Variants in LHCGR observed in about 807,000 individuals in gnomAD.
LHCGR encodes luteinizing hormone/choriogonadotropin receptor.
LHCGR carries 55 observed loss-of-function variants against 60.7 expected under a neutral mutation model. That is an observed-to-expected ratio of 0.91 (90% CI 0.73 to 1.13). The LOEUF is 1.13. LHCGR is among the 50% of genes most tolerant of loss of function. The pLI, the probability that LHCGR is intolerant of heterozygous loss-of-function variation, is 0.00. For synonymous variants in LHCGR, 337 were observed against 316.5 expected (o/e 1.06, Z -0.69); for missense variants, 862 against 836.0 (o/e 1.03, Z -0.38).
chr2:48,746,953 T>C (rs1473803474), intron 1 of LHCGR, among the ~76,000 whole-genome samples: 3 of 152,192 alleles, frequency 2.0e-5, no homozygotes, highest in East Asian at 3.8e-4. Flanking sequence ...GCAGTGACAT[T>C]GCAGATATGC....
chr2:48,751,905 T>C (rs1669973647), intron 1 of LHCGR, among the ~76,000 whole-genome samples: 1 of 152,258 alleles, frequency 6.6e-6, no homozygotes, highest in Non-Finnish European at 1.5e-5. Context: ...ATTAGCATTT[T>C]CTTACTAACA....
At chr2:48,698,447 A>G (rs1667231757) in intron 9 of LHCGR, among the ~76,000 whole-genome samples, 168 bp downstream of exon 9, 1 of 152,224 alleles carries the variant, frequency 6.6e-6, no homozygotes, top group Non-Finnish European at 1.5e-5. Context: ...CCACAAGGAA[A>G]CAGAACAGTT....
chr2:48,737,588 C>A (rs72876957), intron 1 of LHCGR, among the ~76,000 whole-genome samples: 1 of 152,166 alleles, frequency 6.6e-6, no homozygotes, highest in East Asian at 1.9e-4. Flanking sequence ...TCAAAGGCAT[C>A]GGACTATTTG....
Position 48,713,071 on chromosome 2 carries a change from G to A in LHCGR, c.605+915C>T, listed in dbSNP as rs1471410336. 2.0e-5 allele frequency among the ~76,000 whole-genome samples: 3 copies of A among 152,096 alleles called. No homozygotes were observed. In the East Asian group the frequency reaches 5.8e-4, roughly 29 times the overall value. ...GCATCTCCTGAAGCTTGTTAAAATT[G>A]CAAATTCTCAGGCCCTACCTAGATC... On this transcript the variant is annotated intron_variant, in intron 7 of 10. Transcript: ENST00000294954.
Position 48,687,397 on chromosome 2 carries a change from A to T in LHCGR, c.*300T>A, listed in dbSNP as rs771456886. The T allele has an allele frequency of 1.9e-4, 61 of 327,392 alleles. No individual in the cohort carries two copies. Among genetic ancestry groups the T allele is most frequent in the Non-Finnish European group, 2.6e-4 (47 of 177,480 alleles). The allele number at this position is 327,392 out of a possible 1,614,324, so 20.3% of individuals were successfully genotyped here. A position where few individuals can be genotyped will look rare whatever the true frequency, so the allele number is the denominator to read the frequency against. ...AAATTACGAAAATGAAAAAAAAGAT[A>T]TGCAAAATACCTCCTCAGTTTTTTA... On this transcript the variant is annotated 3_prime_UTR_variant, in exon 11 of 11. Coordinates refer to ENST00000294954, the MANE Select transcript of LHCGR (RefSeq NM_000233.4).
At chr2:48,732,831 C>G (rs1669056616) in intron 1 of LHCGR, 2 of 533,000 alleles carry the variant, frequency 3.8e-6, no homozygotes, top group South Asian at 1.4e-5. Context: ...TCAATAATCT[C>G]TTAGAAATGA....
chr2:48,704,519 T>C (rs1667567880), intron 8 of LHCGR, among the ~76,000 whole-genome samples: 1 of 152,232 alleles, frequency 6.6e-6, no homozygotes, highest in Non-Finnish European at 1.5e-5. Context: ...TGCCTGGTCC[T>C]GGACTCTTTT....
chr2:48,740,673 A>G (rs1296044129), intron 1 of LHCGR, among the ~76,000 whole-genome samples: 8 of 152,032 alleles, frequency 5.3e-5, no homozygotes, highest in Admixed American at 3.9e-4. Flanking sequence ...AAGGACATCC[A>G]CACCAAAAAC....
In LHCGR at chr2:48,687,815, G is replaced by A. The variant is rs1040010661; in HGVS notation, c.1982C>T (p.Ser661Phe). 2 of 1,614,050 alleles carry A rather than the reference G, an allele frequency of 1.2e-6. No individual in the cohort carries two copies. Among genetic ancestry groups the A allele is most frequent in the Non-Finnish European group, 1.7e-6 (2 of 1,180,030 alleles). ...TCCAGTGAAGCCATTTTTGCAGTTG[G>A]AGGTGTAAGCTGAAAAATCTTTCCT... is the stretch of plus-strand genomic sequence containing the variant. ...YRRKDFSAYTSNCKNGFTGSN... is the reference protein window; with the variant it reads ...YRRKDFSAYTFNCKNGFTGSN... Residue 661 changes from serine to phenylalanine, a missense_variant, in exon 11 of 11, where the codon TCC (serine) becomes TTC (phenylalanine). Ser to Phe is a radical substitution (Grantham distance 155, BLOSUM62 -2). Transcript: ENST00000294954.
At chr2:48,751,732 G>A (rs1348335927) in intron 1 of LHCGR, among the ~76,000 whole-genome samples, 1 of 152,156 alleles carries the variant, frequency 6.6e-6, no homozygotes, top group Admixed American at 6.5e-5. Context: ...CATTAGGTTG[G>A]TGCAAAAGTA....
chr2:48,745,856 T>TAAATAAA (rs1669677974), intron 1 of LHCGR, among the ~76,000 whole-genome samples: 2 of 149,264 alleles, frequency 1.3e-5, no homozygotes, highest in African/African-American at 4.9e-5. Context: ...TAATAATAAA[T>TAAATAAA]AAATAAAAAA....
chr2:48,746,558 C>G (rs776610823), intron 1 of LHCGR, among the ~76,000 whole-genome samples: 5 of 152,224 alleles, frequency 3.3e-5, no homozygotes, highest in Non-Finnish European at 5.9e-5. Context: ...TGACTCTCCT[C>G]TAAGACAGCC....
chr2:48,691,783 T>C lies in LHCGR; in HGVS notation c.947+2441A>G, dbSNP rs551644947. Among the ~76,000 whole-genome samples the C allele has an allele frequency of 2.7e-5, 4 of 149,668 alleles. No homozygotes were observed. The South Asian group carries it at 8.5e-4, about 32-fold the overall frequency. On this transcript the variant is annotated intron_variant, in intron 10 of 10. Transcript: ENST00000294954. ...ATCGCTTGAACTCGGGAGGTGGAGG[T>C]TGCAGTGAGCTGAGATCGTGCCACT...
At chr2:48,753,600 G>T (rs1436214757) in intron 1 of LHCGR, among the ~76,000 whole-genome samples, 4 of 152,194 alleles carry the variant, frequency 2.6e-5, no homozygotes, top group Non-Finnish European at 5.9e-5. Context: ...CCTGCTGAAA[G>T]GCAGCAGGAG....
chr2:48,740,539 C>T (rs1572886789), intron 1 of LHCGR, among the ~76,000 whole-genome samples: 1 of 152,106 alleles, frequency 6.6e-6, no homozygotes, highest in African/African-American at 2.4e-5. Flanking sequence ...TGACCCCTGA[C>T]CCCTGAGCAG....
intron 1 of LHCGR, among the ~76,000 whole-genome samples, chr2:48,732,404 G>T (rs1669035603): frequency 1.3e-5 from 2 of 152,172 alleles, no homozygotes; most frequent in Admixed American, 1.3e-4. Flanking sequence ...TCCATGATGG[G>T]CAGATGAAAG....
intron 3 of LHCGR, among the ~76,000 whole-genome samples, chr2:48,728,622 T>G (rs1045781266): frequency 5.9e-5 from 9 of 152,188 alleles, no homozygotes; most frequent in Non-Finnish European, 1.0e-4. Flanking sequence ...TTTTTGTGAT[T>G]TTTTGGGGAA....
At chr2:48,750,422 G>C (rs896127130) in intron 1 of LHCGR, among the ~76,000 whole-genome samples, 1 of 152,152 alleles carries the variant, frequency 6.6e-6, no homozygotes, top group African/African-American at 2.4e-5. Flanking sequence ...GTAAGCTTCA[G>C]GTCTTGCTTC....
chr2:48,739,022 CT>C (rs1360810837), intron 1 of LHCGR, among the ~76,000 whole-genome samples: 1 of 152,178 alleles, frequency 6.6e-6, no homozygotes, highest in Non-Finnish European at 1.5e-5. Context: ...TTCATGGTTC[CT>C]ACTGTTTGGC....
Sources: allele counts gnomAD v4.1 joint callset (sites outside exome capture counted in the v4.1 genomes callset), GRCh38; gene constraint gnomAD v4.1.1; transcripts MANE v1.5; gene names NCBI Gene and HGNC (gene_info 2026-07-23, HGNC 2026-07-21).